Variants in HSPA12A observed in about 807,000 individuals in gnomAD.
The protein encoded by HSPA12A is heat shock protein family A (Hsp70) member 12A.
A neutral mutation model predicts 69.2 loss-of-function variants in HSPA12A; 28 were observed. The observed-to-expected ratio is 0.40, with a 90% confidence interval of 0.30 to 0.55. The LOEUF is 0.55. HSPA12A is among the 20% of genes least tolerant of loss of function. The probability of loss-of-function intolerance (pLI) is 0.38; values close to 1 mark genes in which losing one functional copy is unlikely to be tolerated. For missense variants in HSPA12A, 686 were observed against 900.7 expected (o/e 0.76, Z 3.05); for synonymous variants, 345 against 370.5 (o/e 0.93, Z 0.79).
intron 2 of HSPA12A, among the ~76,000 whole-genome samples, chr10:116,782,758 G>A (rs1237491027): frequency 6.6e-6 from 1 of 152,188 alleles, no homozygotes; most frequent in Non-Finnish European, 1.5e-5. Flanking sequence ...TCAGGGAAGA[G>A]GACAGGATCA....
intron 2 of HSPA12A, among the ~76,000 whole-genome samples, chr10:116,780,930 A>G (rs1056728823): frequency 6.6e-6 from 1 of 152,254 alleles, no homozygotes; most frequent in African/African-American, 2.4e-5. Flanking sequence ...AAATAAGGAC[A>G]TAAACTTTTG....
At chr10:116,706,726 G>C (rs1349124160) in intron 2 of HSPA12A, among the ~76,000 whole-genome samples, 1 of 152,154 alleles carries the variant, frequency 6.6e-6, no homozygotes, top group African/African-American at 2.4e-5. Flanking sequence ...ATGAAGCCCT[G>C]CTCAGGGCTT....
chr10:116,804,971 G>A (rs1845036997), intron 2 of HSPA12A, among the ~76,000 whole-genome samples: 1 of 152,136 alleles, frequency 6.6e-6, no homozygotes, highest in Non-Finnish European at 1.5e-5. Context: ...TGGGGATGGA[G>A]GTAAATTATC....
At chr10:116,740,394 C>T (rs1227041699) in intron 1 of HSPA12A, among the ~76,000 whole-genome samples, 1 of 152,168 alleles carries the variant, frequency 6.6e-6, no homozygotes, top group Non-Finnish European at 1.5e-5. Context: ...CTATTCACAT[C>T]CTCCATTTTA....
At chr10:116,731,398 G>A (rs1017153458) in intron 1 of HSPA12A, among the ~76,000 whole-genome samples, 5 of 152,082 alleles carry the variant, frequency 3.3e-5, no homozygotes, top group African/African-American at 1.2e-4. Context: ...TCTAACTGCC[G>A]GCCCCAGGGA....
intron 2 of HSPA12A, among the ~76,000 whole-genome samples, chr10:116,809,500 A>G (rs1845132473): frequency 6.6e-6 from 1 of 152,250 alleles, no homozygotes; most frequent in East Asian, 1.9e-4. Flanking sequence ...CTCTCTGTGC[A>G]AGGTGAGGAT....
intron 2 of HSPA12A, among the ~76,000 whole-genome samples, chr10:116,794,976 G>GT: frequency 6.6e-6 from 1 of 152,282 alleles, no homozygotes; most frequent in Non-Finnish European, 1.5e-5. Context: ...CTTATAAGAT[G>GT]TAACTTGAGC....
chr10:116,794,623 G>GC (rs550581470), intron 2 of HSPA12A, among the ~76,000 whole-genome samples: 2 of 152,274 alleles, frequency 1.3e-5, no homozygotes, highest in South Asian at 4.1e-4. Flanking sequence ...GACCAGCCTG[G>GC]CCAACATACT....
intron 2 of HSPA12A, among the ~76,000 whole-genome samples, chr10:116,771,952 G>A (rs1665668): frequency 0.52 from 79,226 of 152,050 alleles, 20,742 homozygotes; most frequent in South Asian, 0.56. Context: ...TCTCAGCCAC[G>A]GCCACACCTG....
intron 1 of HSPA12A, among the ~76,000 whole-genome samples, chr10:116,848,141 T>C (rs979839116): frequency 6.6e-6 from 1 of 152,226 alleles, no homozygotes; most frequent in Non-Finnish European, 1.5e-5. Context: ...GCAGAGCACA[T>C]CCTCTGCCCT....
chr10:116,840,578 G>A (rs533225429), intron 1 of HSPA12A, among the ~76,000 whole-genome samples: 1 of 152,264 alleles, frequency 6.6e-6, no homozygotes, highest in Admixed American at 6.5e-5. Context: ...CAGGTCCATG[G>A]TTAATAGGAA....
At chr10:116,811,725 C>T (rs1845189991) in intron 2 of HSPA12A, among the ~76,000 whole-genome samples, 1 of 152,292 alleles carries the variant, frequency 6.6e-6, no homozygotes, top group East Asian at 1.9e-4. Context: ...AAACTGCCTG[C>T]GCTCCGTAGG....
At chr10:116,704,893 G>A (rs545553491) in intron 3 of HSPA12A, among the ~76,000 whole-genome samples, 2 of 152,248 alleles carry the variant, frequency 1.3e-5, no homozygotes, top group Admixed American at 6.5e-5. Context: ...GGATTCACCC[G>A]GGCCAGGCTT....
rs781953276 is a variant in HSPA12A at position 116,707,159 on chromosome 10, A to G, written c.126+41T>C. The G allele has an allele frequency of 3.4e-3, 2,586 of 752,296 alleles. 26 individuals carry two copies. Among genetic ancestry groups the G allele is most frequent in the African/African-American group, 0.028 (1,535 of 55,410 alleles). 46.6% of individuals were successfully genotyped at this position (752,296 alleles called of 1,614,324 possible). On this transcript the variant is annotated intron_variant, in intron 2 of 11. Transcript: ENST00000369209. ...CTCATGCGCACCCATGCGCGCACAC[A>G]CACACACACACACACACACACACAC...
intron 1 of HSPA12A, among the ~76,000 whole-genome samples, chr10:116,713,868 C>T (rs1315911423): frequency 1.3e-5 from 2 of 152,168 alleles, no homozygotes; most frequent in Non-Finnish European, 2.9e-5. Flanking sequence ...GATCACCCTA[C>T]ACATGGTACT....
At chr10:116,696,388 G>C (rs145682700) in intron 5 of HSPA12A, among the ~76,000 whole-genome samples, 23 of 152,106 alleles carry the variant, frequency 1.5e-4, no homozygotes, top group Non-Finnish European at 2.9e-4. Flanking sequence ...TACTGTTCTC[G>C]TGGTAGTGAA....
chr10:116,719,886 C>A (rs1293451396), intron 1 of HSPA12A, among the ~76,000 whole-genome samples: 1 of 152,174 alleles, frequency 6.6e-6, no homozygotes, highest in African/African-American at 2.4e-5. Context: ...ACATTCCAGC[C>A]CTGAGGTTCC....
At chr10:116,786,011 G>A (rs1174927424) in intron 2 of HSPA12A, among the ~76,000 whole-genome samples, 2 of 152,182 alleles carry the variant, frequency 1.3e-5, no homozygotes, top group Admixed American at 1.3e-4. Context: ...CCCGTCATGA[G>A]GCCTTTGCTG....
At position 116,686,279 on chromosome 10, in the gene HSPA12A, T is replaced by C. The variant is rs534085043; in HGVS notation, c.664-2317A>G. On this transcript the variant is annotated intron_variant, in intron 6 of 11. Coordinates refer to ENST00000369209, the MANE Select transcript of HSPA12A (RefSeq NM_025015.3). The surrounding 1 kb of genome is among the most constrained non-coding windows in gnomAD (Gnocchi z 4.1). ...GGGGTCGGGAGGAAGAAATCCCAAA[T>C]AAGACCAAGAGGGGCCCCTTCCGAG... 1.3e-4 allele frequency among the ~76,000 whole-genome samples: 20 copies of C among 152,098 alleles called. No individual in the cohort carries two copies. Among genetic ancestry groups the C allele is most frequent in the Admixed American group, 1.2e-3 (18 of 15,276 alleles).
Sources: gnomAD v4.1 joint callset for allele counts (sites outside exome capture counted in the v4.1 genomes callset) on GRCh38, gnomAD v4.1.1 for gene constraint, Gnocchi (gnomAD v3.1) non-coding constraint, MANE v1.5 for transcripts, NCBI Gene and HGNC (gene_info 2026-07-23, HGNC 2026-07-21) for gene names.